UGCG: variants seen among roughly 807,000 people sequenced by gnomAD.
UGCG encodes ceramide glucosyltransferase.
A neutral mutation model predicts 49.5 loss-of-function variants in UGCG; 10 were observed. The observed-to-expected ratio is 0.20, with a 90% CI of 0.12 to 0.34. UGCG has a LOEUF of 0.34. UGCG is among the 10% of genes least tolerant of loss of function. UGCG has a pLI of 1.00. For missense variants in UGCG, 312 were observed against 483.7 expected (o/e 0.65, Z 3.33); for synonymous variants, 182 against 158.2 (o/e 1.15, Z -1.13).
chr9:111,918,934 A>AC (rs1838164061), intron 2 of UGCG, among the ~76,000 whole-genome samples: 1 of 128,054 alleles, frequency 7.8e-6, no homozygotes, highest in Admixed American at 8.0e-5. Flanking sequence ...CAAAAAAAAA[A>AC]AACAAAAAAC....
At chr9:111,920,715 C>T (rs1838205889) in intron 2 of UGCG, among the ~76,000 whole-genome samples, 1 of 152,050 alleles carries the variant, frequency 6.6e-6, no homozygotes, top group African/African-American at 2.4e-5. Context: ...AGTGGGCAAA[C>T]AATTGTTATT....
rs144679507 is a variant in UGCG at position 111,926,152 on chromosome 9, T to C, written c.446-232T>C. ...TTCTGCCTCTGGTACATAGTAGGTA[T>C]ATACTGGGCTAAAAAATGTATAAAT... is the stretch of plus-strand genomic sequence containing the variant. On this transcript the variant is annotated intron_variant, in intron 4 of 8. Coordinates refer to ENST00000374279, the MANE Select transcript of UGCG (RefSeq NM_003358.3). Among the ~76,000 whole-genome samples the C allele has an allele frequency of 5.2e-3, 799 of 152,330 alleles. 6 individuals are homozygous for C. Among genetic ancestry groups the C allele is most frequent in the South Asian group, 6.2e-3 (30 of 4,822 alleles).
intron 1 of UGCG, among the ~76,000 whole-genome samples, chr9:111,897,851 G>T (rs563674515): frequency 2.6e-5 from 4 of 151,640 alleles, no homozygotes; most frequent in Non-Finnish European, 4.4e-5. Flanking sequence ...TGGCATGATA[G>T]CTTTGAGTCC....
At chr9:111,932,012 C>G in intron 7 of UGCG, 158 bp from the exon 8 acceptor site, 5 of 738,790 alleles carry the variant, frequency 6.8e-6, no homozygotes, top group Non-Finnish European at 8.5e-6. Context: ...AGAGCAGAAC[C>G]CCGTCTCAAG....
intron 2 of UGCG, among the ~76,000 whole-genome samples, chr9:111,917,467 T>A (rs899671263): frequency 6.6e-6 from 1 of 152,350 alleles, no homozygotes; most frequent in Non-Finnish European, 1.5e-5. Flanking sequence ...CCAGGCGCAG[T>A]GCCCTTTCAT....
chr9:111,935,164 A>G lies in UGCG; in HGVS notation c.*2167A>G, dbSNP rs1838498876. 6.6e-6 allele frequency: 1 copy of G among 152,186 alleles called. No individual in the cohort carries two copies. Among genetic ancestry groups the G allele is most frequent in the Non-Finnish European group, 1.5e-5 (1 of 68,034 alleles). 9.4% of individuals were successfully genotyped at this position (152,186 alleles called of 1,614,324 possible). A position where few individuals can be genotyped will look rare whatever the true frequency, so the allele number is the denominator to read the frequency against. ...ATGTAAAACTTCACTTAACAGAGAG[A>G]TTCTTTGTTTAGCAAGCTTGGAGTG... On this transcript the variant is annotated 3_prime_UTR_variant, in exon 9 of 9. Coordinates refer to ENST00000374279, the MANE Select transcript of UGCG (RefSeq NM_003358.3).
Position 111,911,574 on chromosome 9 carries a change from T to C in UGCG, c.99-3031T>C, listed in dbSNP as rs1224919376. On this transcript the variant is annotated intron_variant, in intron 1 of 8. Coordinates refer to ENST00000374279, the MANE Select transcript of UGCG (RefSeq NM_003358.3). ...TTTCTTTTATCAGACCCTCTTAATATTTTTAGTGATTTGAACCATATCAGT... is the reference window on the plus strand; with the variant it reads ...TTTCTTTTATCAGACCCTCTTAATACTTTTAGTGATTTGAACCATATCAGT... 2.6e-5 allele frequency among the ~76,000 whole-genome samples: 4 copies of C among 152,092 alleles called. No individual in the cohort carries two copies. In the East Asian group the frequency reaches 7.7e-4, roughly 29 times the overall value.
intron 1 of UGCG, among the ~76,000 whole-genome samples, chr9:111,907,525 A>C (rs1837909901): frequency 6.6e-6 from 1 of 152,142 alleles, no homozygotes; most frequent in Non-Finnish European, 1.5e-5. Flanking sequence ...CATGCTTGGA[A>C]ATTTTTTAAT....
At chr9:111,923,550 C>G (rs1838264130) in intron 3 of UGCG, among the ~76,000 whole-genome samples, 1 of 152,066 alleles carries the variant, frequency 6.6e-6, no homozygotes. Flanking sequence ...CATTACAAAT[C>G]TATCAGCTCA....
At chr9:111,898,756 AC>A (rs1837712857) in intron 1 of UGCG, among the ~76,000 whole-genome samples, 1 of 152,136 alleles carries the variant, frequency 6.6e-6, no homozygotes, top group Admixed American at 6.6e-5. Context: ...AAACTACATT[AC>A]CTTGTTAACC....
intron 1 of UGCG, among the ~76,000 whole-genome samples, chr9:111,898,156 G>A (rs144138606): frequency 2.1e-3 from 314 of 151,776 alleles, no homozygotes; most frequent in African/African-American, 7.2e-3. Flanking sequence ...ACTGGGTGAT[G>A]GCGTGAATAG....
chr9:111,922,306 A>T (rs1379829222), intron 2 of UGCG, among the ~76,000 whole-genome samples: 1 of 152,234 alleles, frequency 6.6e-6, no homozygotes, highest in Non-Finnish European at 1.5e-5. Context: ...TATGAAACAA[A>T]AAAGGGTAAT....
At chr9:111,901,617 G>A (rs915766677) in intron 1 of UGCG, among the ~76,000 whole-genome samples, 1 of 152,158 alleles carries the variant, frequency 6.6e-6, no homozygotes, top group African/African-American at 2.4e-5. Context: ...GACCTGGGCA[G>A]CAAACCACCA....
In UGCG at chr9:111,933,808, C is replaced by T. The variant is rs1397868219; in HGVS notation, c.*811C>T. 6.6e-6 allele frequency: 1 copy of T among 152,108 alleles called. No homozygotes were observed. The highest frequency in any genetic ancestry group is 1.9e-4 in the East Asian group (1 of 5,200). 9.4% of individuals were successfully genotyped at this position (152,108 alleles called of 1,614,324 possible). ...ATTAGTATAGCTAAATCTTTTCCTT[C>T]CTTGCTCCTCCCCCAGCCCACCCCG... On this transcript the variant is annotated 3_prime_UTR_variant, in exon 9 of 9. Coordinates refer to ENST00000374279, the MANE Select transcript of UGCG (RefSeq NM_003358.3).
rs150677355 is a variant in UGCG at position 111,914,612 on chromosome 9, C to T, written c.106C>T (p.His36Tyr). ...ATATCATTTGCTTTTTAGCCGATTA[C>T]ACCTCAACAAGAAGGCAACTGACAA... ...HFMAIIYTRL[H>Y]LNKKATDKQP... is the part of the protein sequence containing the mutation. Residue 36 changes from histidine (H) to tyrosine (Y), a missense_variant, in exon 2 of 9, where the codon CAC becomes TAC. Physicochemically the swap from His to Tyr is moderately conservative, Grantham distance 83. Around this residue, in one of 4 missense-constraint regions of UGCG, gnomAD observed 65 missense variants for 74.7 expected, o/e 0.87. Coordinates refer to ENST00000374279, the MANE Select transcript of UGCG (RefSeq NM_003358.3). 74 of 1,613,522 alleles carry T rather than the reference C, an allele frequency of 4.6e-5. No individual in the cohort carries two copies. The highest frequency in any genetic ancestry group is 3.8e-5 in the Non-Finnish European group (45 of 1,179,828).
Sources: gnomAD v4.1 joint callset for allele counts (sites outside exome capture counted in the v4.1 genomes callset) on GRCh38, gnomAD v4.1.1 for gene constraint, gnomAD v4.1.1 regional missense constraint, MANE v1.5 for transcripts, NCBI Gene and HGNC (gene_info 2026-07-23, HGNC 2026-07-21) for gene names.